MFHAS1: variants seen among roughly 807,000 people sequenced by gnomAD.
MFHAS1 encodes the protein malignant fibrous histiocytoma-amplified sequence 1.
Under a neutral mutation model 70.4 loss-of-function variants are expected in MFHAS1, and 50 were observed. The observed-to-expected ratio is 0.71, with a 90% CI of 0.57 to 0.90. The LOEUF (loss-of-function observed/expected upper bound fraction) is 0.90, where lower values mean the gene tolerates loss of function less well. Among genes scored for constraint, MFHAS1 ranks in the 40% least tolerant of loss-of-function variants. MFHAS1 has a pLI of 0.00. For synonymous variants in MFHAS1, 952 were observed against 620.0 expected (o/e 1.54, Z -7.96); for missense variants, 1,795 against 1,347.6 (o/e 1.33, Z -5.20).
At chr8:8,861,889 A>G (rs1478665051) in intron 1 of MFHAS1, among the ~76,000 whole-genome samples, 1 of 152,236 alleles carries the variant, frequency 6.6e-6, no homozygotes, top group Non-Finnish European at 1.5e-5. Flanking sequence ...TCGCTTTATC[A>G]GTAGTTCATC....
intron 1 of MFHAS1, among the ~76,000 whole-genome samples, chr8:8,827,906 CT>C (rs57655426): frequency 0.019 from 2,905 of 151,268 alleles, 98 homozygotes; most frequent in African/African-American, 0.066. Flanking sequence ...AATTTAATTT[CT>C]TTTTTTTTAA....
At chr8:8,828,268 G>C (rs943339938) in intron 1 of MFHAS1, among the ~76,000 whole-genome samples, 3 of 152,222 alleles carry the variant, frequency 2.0e-5, no homozygotes, top group African/African-American at 7.2e-5. Flanking sequence ...GGAGCAACAG[G>C]AACTGTTTAA....
At position 8,797,270 on chromosome 8, in the gene MFHAS1, G is replaced by T. The variant is rs965125359; in HGVS notation, c.3125+95C>A. 1.5e-4 allele frequency: 213 copies of T among 1,448,172 alleles called. 1 individual carries two copies. Among genetic ancestry groups the T allele is most frequent in the Admixed American group, 1.9e-4 (10 of 53,024 alleles). The allele number at this position is 1,448,172 out of a possible 1,614,324, so 89.7% of individuals were successfully genotyped here. On this transcript the variant is annotated intron_variant, in intron 2 of 2. Transcript: ENST00000276282. ...TGTTCAGGAGGACTTTGCAAGGTTT[G>T]TGCAGATGCAGTTTAACCTGGATTT...
At chr8:8,865,660 C>T (rs1005423264) in intron 1 of MFHAS1, among the ~76,000 whole-genome samples, 1 of 152,342 alleles carries the variant, frequency 6.6e-6, no homozygotes, top group Non-Finnish European at 1.5e-5. Context: ...AAATCCTAGT[C>T]TACTCAAGGT....
chr8:8,836,670 G>A (rs947568963), intron 1 of MFHAS1, among the ~76,000 whole-genome samples: 2 of 152,096 alleles, frequency 1.3e-5, no homozygotes, highest in African/African-American at 4.8e-5. Context: ...GAGCCACCTC[G>A]CCCAACCATC....
At chr8:8,795,016 G>A (rs1054415248) in intron 2 of MFHAS1, among the ~76,000 whole-genome samples, 1 of 152,172 alleles carries the variant, frequency 6.6e-6, no homozygotes, top group African/African-American at 2.4e-5. Context: ...TAGCGCAAAT[G>A]GATATTTTAA....
rs140347267 is a variant in MFHAS1, at chr8:8,836,748, G to C, written c.2999-39257C>G. ...CTATCCATGAACTCAAGGTTGGGGA[G>C]AACAAATGAAGTAGAGCTAGATAAC... On this transcript the variant is annotated intron_variant, in intron 1 of 2. Transcript: ENST00000276282. Among the ~76,000 whole-genome samples, 121 of 152,296 alleles carry C rather than the reference G, an allele frequency of 7.9e-4. 1 individual carries two copies. Among genetic ancestry groups the C allele is most frequent in the African/African-American group, 2.8e-3 (116 of 41,572 alleles).
intron 1 of MFHAS1, among the ~76,000 whole-genome samples, chr8:8,862,050 G>C (rs770853995): frequency 3.3e-5 from 5 of 152,158 alleles, no homozygotes; most frequent in African/African-American, 7.2e-5. Context: ...AATTAACTCA[G>C]AATGAAATTG....
chr8:8,785,343 G>C lies in MFHAS1; in HGVS notation c.*679C>G, dbSNP rs1805500824. 6.6e-6 allele frequency: 1 copy of C among 151,808 alleles called. No individual in the cohort carries two copies. Among genetic ancestry groups the C allele is most frequent in the Admixed American group, 6.6e-5 (1 of 15,222 alleles). The allele number at this position is 151,808 out of a possible 1,614,324, so 9.4% of individuals were successfully genotyped here. Reference sequence around the variant, plus strand: ...CATTTAAGGTTCTTTCTGATTATTGGCAATCTCTATGAACCAACACTTAAT... The same window carrying C: ...CATTTAAGGTTCTTTCTGATTATTGCCAATCTCTATGAACCAACACTTAAT... On this transcript the variant is annotated 3_prime_UTR_variant, in exon 3 of 3. Coordinates refer to ENST00000276282, the MANE Select transcript of MFHAS1 (RefSeq NM_004225.3).
intron 1 of MFHAS1, among the ~76,000 whole-genome samples, chr8:8,801,834 C>A (rs1806092568): frequency 6.6e-6 from 1 of 152,082 alleles, no homozygotes; most frequent in South Asian, 2.1e-4. Context: ...GAACTACAGT[C>A]CTGTATGATG....
intron 1 of MFHAS1, among the ~76,000 whole-genome samples, chr8:8,804,226 C>A (rs1399241654): frequency 2.6e-5 from 4 of 152,078 alleles, no homozygotes; most frequent in East Asian, 1.9e-4. Flanking sequence ...AAATTATGAC[C>A]CTCTCCTAGA....
intron 1 of MFHAS1, among the ~76,000 whole-genome samples, chr8:8,883,652 G>C (rs1352804680): frequency 7.4e-5 from 10 of 134,572 alleles, no homozygotes; most frequent in African/African-American, 2.9e-4. Context: ...AGGTTGCAAT[G>C]AGCTCAGACA....
rs569623712 is a variant in MFHAS1 at position 8,810,979 on chromosome 8, G to A, written c.2999-13488C>T. On this transcript the variant is annotated intron_variant, in intron 1 of 2. Transcript: ENST00000276282. ...GGAGAAAACCCACAGGCTTGCAATC[G>A]GACCCACAGCACCTCAAGGCCAGAA... 5.9e-5 allele frequency among the ~76,000 whole-genome samples: 9 copies of A among 152,188 alleles called. No homozygotes were observed. In the South Asian group the frequency reaches 8.3e-4, roughly 14 times the overall value.
chr8:8,805,678 G>A (rs189203837), intron 1 of MFHAS1, among the ~76,000 whole-genome samples: 8 of 152,136 alleles, frequency 5.3e-5, no homozygotes, highest in Admixed American at 4.6e-4. Context: ...ACAACCTTTT[G>A]TTTGGAGGGT....
At chr8:8,879,785 G>C (rs1419878943) in intron 1 of MFHAS1, among the ~76,000 whole-genome samples, 1 of 152,112 alleles carries the variant, frequency 6.6e-6, no homozygotes, top group African/African-American at 2.4e-5. Flanking sequence ...TATTTTCCTA[G>C]AACTCCCAGT....
At chr8:8,827,995 C>T (rs186651826) in intron 1 of MFHAS1, among the ~76,000 whole-genome samples, 252 of 152,012 alleles carry the variant, frequency 1.7e-3, no homozygotes, top group African/African-American at 5.6e-3. Context: ...TTTCTAACAG[C>T]TCTTCAGCTG....
At position 8,891,675 on chromosome 8, in the gene MFHAS1, T is replaced by C. The variant is rs1168589584; in HGVS notation, c.1384A>G (p.Ser462Gly). 9 of 1,613,574 alleles carry C rather than the reference T, an allele frequency of 5.6e-6. No individual in the cohort carries two copies. Among genetic ancestry groups the C allele is most frequent in the Non-Finnish European group, 7.6e-6 (9 of 1,180,012 alleles). Residue 462 changes from serine to glycine, a missense_variant, in exon 1 of 3, where the codon AGC (serine) becomes GGC (glycine). Transcript: ENST00000276282. This position sits in a 1 kb window ranked among gnomAD's most constrained non-coding sequence, Gnocchi z 5.4. ...CCCCGGGAGGCATCGGCCGTCCAGC[T>C]GGTCACCTCGATGCCCTTGCTCACA... ...PPVSKGIEVTSWTADASRGLR... is the reference protein window; with the variant it reads ...PPVSKGIEVTGWTADASRGLR...
chr8:8,836,754 A>G (rs1807610371), intron 1 of MFHAS1, among the ~76,000 whole-genome samples: 1 of 152,214 alleles, frequency 6.6e-6, no homozygotes, highest in African/African-American at 2.4e-5. Context: ...GGGAGAACAA[A>G]TGAAGTAGAG....
intron 1 of MFHAS1, among the ~76,000 whole-genome samples, chr8:8,848,850 C>T (rs1808132386): frequency 6.6e-6 from 1 of 152,112 alleles, no homozygotes; most frequent in African/African-American, 2.4e-5. Flanking sequence ...AAGTCGGTTT[C>T]CGTTCTCAAA....
Sources: gnomAD v4.1 joint callset for allele counts (sites outside exome capture counted in the v4.1 genomes callset) on GRCh38, gnomAD v4.1.1 for gene constraint, Gnocchi (gnomAD v3.1) non-coding constraint, MANE v1.5 for transcripts, NCBI Gene and HGNC (gene_info 2026-07-23, HGNC 2026-07-21) for gene names.